Variants in ARMC8 observed in about 807,000 individuals in gnomAD.
The protein encoded by ARMC8 is armadillo repeat containing 8.
ARMC8 carries 20 observed loss-of-function variants against 99.3 expected under a neutral mutation model. The observed-to-expected ratio is 0.20, with a 90% CI of 0.14 to 0.29. The LOEUF is 0.29. ARMC8 is among the 10% of genes least tolerant of loss of function. ARMC8 has a pLI of 1.00. For missense variants in ARMC8, 569 were observed against 809.5 expected (o/e 0.70, Z 3.60); for synonymous variants, 263 against 278.3 (o/e 0.95, Z 0.55).
intron 1 of ARMC8, among the ~76,000 whole-genome samples, chr3:138,193,840 TA>T (rs780347692): frequency 1.5e-4 from 23 of 152,206 alleles, no homozygotes; most frequent in Non-Finnish European, 2.9e-4. Flanking sequence ...AAAAAATTGA[TA>T]AATTGGACTT....
Position 138,217,401 on chromosome 3 carries a change from C to CTTTTTTTT in ARMC8, c.123-4517_123-4510dup, listed in dbSNP as rs753393123. On this transcript the variant is annotated intron_variant, in intron 2 of 21. Coordinates refer to ENST00000469044, the MANE Select transcript of ARMC8 (RefSeq NM_001363941.2). ...ATGGTTTCTCCAGCAGGTCTAGATCCTTTTTTTTTTTTTTTCTTTTTTCTG... is the reference window on the plus strand; with the variant it reads ...ATGGTTTCTCCAGCAGGTCTAGATCCTTTTTTTTTTTTTTTTTTTTTTTCTTTTTTCTG... 2.2e-5 allele frequency among the ~76,000 whole-genome samples: 3 copies of CTTTTTTTT among 135,936 alleles called. 1 individual carries two copies. Among genetic ancestry groups the CTTTTTTTT allele is most frequent in the Non-Finnish European group, 4.8e-5 (3 of 62,776 alleles). The allele number at this position is 135,936 out of a possible 152,430, so 89.2% of individuals were successfully genotyped here.
chr3:138,239,336 C>A (rs956581541), intron 9 of ARMC8, 132 bp from the exon 10 acceptor site: 3 of 616,370 alleles, frequency 4.9e-6, no homozygotes, highest in Non-Finnish European at 8.4e-6. Flanking sequence ...AGCGAATTGT[C>A]AAAATCTTCA....
intron 1 of ARMC8, among the ~76,000 whole-genome samples, chr3:138,192,704 C>T (rs185468825): frequency 6.6e-4 from 100 of 152,204 alleles, no homozygotes; most frequent in South Asian, 2.1e-3. Context: ...GTGTGTGCCA[C>T]CATGCCTGGC....
chr3:138,264,332 G>T, intron 14 of ARMC8, 120 bp downstream of exon 14: 2 of 636,678 alleles, frequency 3.1e-6, no homozygotes, highest in Non-Finnish European at 5.4e-6. Context: ...CATTTTGAAC[G>T]TTTATCTCCT....
intron 2 of ARMC8, among the ~76,000 whole-genome samples, chr3:138,212,568 A>G (rs1464387119): frequency 1.3e-5 from 2 of 152,096 alleles, no homozygotes; most frequent in African/African-American, 4.8e-5. Context: ...CGGCCTCCCA[A>G]AGTGCTGGGA....
chr3:138,263,942 T>C (rs2108265515), intron 13 of ARMC8, 121 bp downstream of exon 13: 1 of 1,063,366 alleles, frequency 9.4e-7, no homozygotes, highest in South Asian at 1.3e-5. Context: ...CTCAGGTGAA[T>C]TCATAGAGTA....
chr3:138,229,019 C>G lies in ARMC8; in HGVS notation c.528+9C>G. 1 of 1,586,554 alleles carries G rather than the reference C, an allele frequency of 6.3e-7. No homozygotes were observed. Among genetic ancestry groups the G allele is most frequent in the Non-Finnish European group, 8.6e-7 (1 of 1,160,442 alleles). On this transcript the variant is annotated intron_variant, in intron 6 of 21. Coordinates refer to ENST00000469044, the MANE Select transcript of ARMC8 (RefSeq NM_001363941.2). ...TCTCACACTGCTGTAAAGTAAGAAC[C>G]AGAATAAATGTTATCTATAATGTAA...
At chr3:138,189,842 T>C (rs1336645876) in intron 1 of ARMC8, among the ~76,000 whole-genome samples, 2 of 152,198 alleles carry the variant, frequency 1.3e-5, no homozygotes, top group Admixed American at 6.5e-5. Context: ...CACCCATCGC[T>C]TCCAATAAAG....
chr3:138,237,984 C>T (rs555405057), intron 9 of ARMC8: 1 of 152,276 alleles, frequency 6.6e-6, no homozygotes, highest in Non-Finnish European at 1.4e-5. Context: ...TTTCAGAGAA[C>T]GTGGCTTCCT....
At chr3:138,274,930 G>A (rs576652860) in intron 18 of ARMC8, among the ~76,000 whole-genome samples, 9 of 152,200 alleles carry the variant, frequency 5.9e-5, no homozygotes, top group East Asian at 5.8e-4. Flanking sequence ...CCTGCGACTC[G>A]CTGATAAAAT....
chr3:138,188,516 C>T, intron 1 of ARMC8: 1 of 1,613,846 alleles, frequency 6.2e-7, no homozygotes, highest in Non-Finnish European at 8.5e-7. Flanking sequence ...TTCGAGCTGT[C>T]CGACTCTGAG....
chr3:138,241,673 T>C (rs1430087024), intron 10 of ARMC8, 110 bp from the exon 11 acceptor site: 21 of 939,854 alleles, frequency 2.2e-5, no homozygotes, highest in South Asian at 9.6e-5. Flanking sequence ...AAAGGAAATA[T>C]ATGATCATAA....
chr3:138,250,443 C>A (rs2047071182), intron 12 of ARMC8, among the ~76,000 whole-genome samples: 1 of 151,876 alleles, frequency 6.6e-6, no homozygotes, highest in Non-Finnish European at 1.5e-5. Context: ...AACTTTATTC[C>A]AGTAAAAGAA....
intron 12 of ARMC8, among the ~76,000 whole-genome samples, chr3:138,261,249 T>C (rs543606359): frequency 5.9e-5 from 9 of 152,330 alleles, no homozygotes; most frequent in African/African-American, 1.2e-4. Flanking sequence ...TAAGGTATAG[T>C]GCTAAGTAAA....
At chr3:138,239,634 G>T in intron 10 of ARMC8, 106 bp downstream of exon 10, 1 of 644,460 alleles carries the variant, frequency 1.6e-6, no homozygotes, top group Non-Finnish European at 2.6e-6. Context: ...TATGATATAT[G>T]TGCATGGCGT....
In ARMC8 at chr3:138,249,056, G is replaced by A. The variant is rs781746993; in HGVS notation, c.1134+3873G>A. Among the ~76,000 whole-genome samples, 162 of 152,106 alleles carry A rather than the reference G, an allele frequency of 1.1e-3. 1 individual carries two copies. The highest frequency in any genetic ancestry group is 4.1e-4 in the Non-Finnish European group (28 of 68,012). The stretch of plus-strand genomic sequence containing the variant: ...TGTTTTGTTCATTAATGTATTCCCA[G>A]CATCTACAACACTGTCTGTGCATAG... On this transcript the variant is annotated intron_variant, in intron 12 of 21. Coordinates refer to ENST00000469044, the MANE Select transcript of ARMC8 (RefSeq NM_001363941.2).
Position 138,216,365 on chromosome 3 carries a change from G to A in ARMC8, c.123-5561G>A, listed in dbSNP as rs188380579. Among the ~76,000 whole-genome samples the A allele has an allele frequency of 9.2e-5, 14 of 152,226 alleles. No homozygotes were observed. In the East Asian group the frequency reaches 2.3e-3, roughly 25 times the overall value. On this transcript the variant is annotated intron_variant, in intron 2 of 21. Transcript: ENST00000469044. The stretch of plus-strand genomic sequence containing the variant: ...TTTTCCAACTGCCTCTTGAATCAAA[G>A]CCTTATGTTAAAAATAACTTTAGTT...
At chr3:138,255,250 T>G (rs983345021) in intron 12 of ARMC8, among the ~76,000 whole-genome samples, 6 of 148,400 alleles carry the variant, frequency 4.0e-5, no homozygotes, top group African/African-American at 1.5e-4. Context: ...TTGCCCAGGC[T>G]GGAGTGCAGT....
intron 11 of ARMC8, among the ~76,000 whole-genome samples, chr3:138,244,875 A>G (rs1246712057): frequency 6.6e-6 from 1 of 152,248 alleles, no homozygotes; most frequent in African/African-American, 2.4e-5. Flanking sequence ...AAATGGAAGC[A>G]TATTGTGTGC....
Sources: allele counts gnomAD v4.1 joint callset (sites outside exome capture counted in the v4.1 genomes callset), GRCh38; gene constraint gnomAD v4.1.1; transcripts MANE v1.5; gene names NCBI Gene and HGNC (gene_info 2026-07-23, HGNC 2026-07-21).